CLEC9A: variants seen among roughly 807,000 people sequenced by gnomAD.
The protein encoded by CLEC9A is C-type lectin domain family 9 member A.
Under a neutral mutation model 30.0 loss-of-function variants are expected in CLEC9A, and 24 were observed. The observed-to-expected ratio is 0.80, with a 90% CI of 0.58 to 1.13. CLEC9A has a LOEUF of 1.13. CLEC9A is among the 50% of genes most tolerant of loss of function. The pLI, the probability that CLEC9A is intolerant of heterozygous loss-of-function variation, is 0.00. For missense variants in CLEC9A, 251 were observed against 280.9 expected (o/e 0.89, Z 0.76); for synonymous variants, 111 against 96.8 (o/e 1.15, Z -0.86).
rs1367285695 is a variant in CLEC9A, at chr12:10,054,338, C to T, written c.159C>T (p.Phe53=). Residue 53 remains phenylalanine, a synonymous_variant, in exon 5 of 9, where the codon TTC becomes TTT. Coordinates refer to ENST00000355819, the MANE Select transcript of CLEC9A (RefSeq NM_207345.4). ...FCMGLLTASI[F]LGVKLLQVST... ...TGGGATTATTAACAGCATCCATTTT[C>T]TTGGGCGTCAAGTGTAAGTACTAAA... The T allele has an allele frequency of 4.3e-6, 7 of 1,610,880 alleles. No individual in the cohort carries two copies. In the South Asian group the frequency reaches 5.5e-5, roughly 13 times the overall value.
intron 2 of CLEC9A, among the ~76,000 whole-genome samples, chr12:10,046,183 G>A (rs767555317): frequency 1.3e-5 from 2 of 152,228 alleles, no homozygotes; most frequent in Middle Eastern, 3.4e-3. Context: ...ATACCTCACA[G>A]TTCTACAACT....
At chr12:10,052,152 G>A (rs1373879483) in intron 3 of CLEC9A, 58 bp downstream of exon 3, 1 of 152,438 alleles carries the variant, frequency 6.6e-6, no homozygotes, top group Non-Finnish European at 1.5e-5. Flanking sequence ...ATTTATCACA[G>A]TAAGTAGCAT....
At position 10,046,727 on chromosome 12, in the gene CLEC9A, G is replaced by A. The variant is rs373178652; in HGVS notation, c.-163+5107G>A. Among the ~76,000 whole-genome samples the A allele has an allele frequency of 9.9e-4, 151 of 152,264 alleles. 3 individuals carry two copies. The South Asian group carries it at 0.028, about 28-fold the overall frequency. ...GAGATGTTCAAACACAAATGCTGAC[G>A]TTAGTGGGAAGGCTGAGGACACACA... On this transcript the variant is annotated intron_variant, in intron 2 of 8. Transcript: ENST00000355819.
rs1002309678 is a variant in CLEC9A, at chr12:10,043,829, G to A, written c.-163+2209G>A. Among the ~76,000 whole-genome samples, 20 of 151,968 alleles carry A rather than the reference G, an allele frequency of 1.3e-4. No homozygotes were observed. In the East Asian group the frequency reaches 3.7e-3, roughly 28 times the overall value. ...CCTGAGCAGCTGGGATTACAGGCAC[G>A]CGCCACCACACCAGCTAATTTTTGT... On this transcript the variant is annotated intron_variant, in intron 2 of 8. Coordinates refer to ENST00000355819, the MANE Select transcript of CLEC9A (RefSeq NM_207345.4).
chr12:10,054,111 G>A (rs920498971), intron 4 of CLEC9A, among the ~76,000 whole-genome samples, 160 bp from the exon 5 acceptor site: 2 of 152,106 alleles, frequency 1.3e-5, no homozygotes, highest in Non-Finnish European at 2.9e-5. Context: ...TTGAGCAAAG[G>A]TTCTCTTTTT....
chr12:10,053,740 T>C (rs1865915631), intron 4 of CLEC9A, among the ~76,000 whole-genome samples: 1 of 151,498 alleles, frequency 6.6e-6, no homozygotes, highest in Admixed American at 6.6e-5. Context: ...AAAAATCACA[T>C]ATTCCTTTTT....
At chr12:10,052,530 A>C in intron 3 of CLEC9A, 100 bp from the exon 4 acceptor site, 1 of 1,309,956 alleles carries the variant, frequency 7.6e-7, no homozygotes. Flanking sequence ...TTCTGAATGA[A>C]GGTGCATCTA....
At chr12:10,065,385 G>A (rs1866034428) in intron 8 of CLEC9A, 115 bp from the exon 9 acceptor site, 1 of 1,105,732 alleles carries the variant, frequency 9.0e-7, no homozygotes, top group Non-Finnish European at 1.3e-6. Flanking sequence ...ACCACAGGAA[G>A]TTGCTGTGTC....
chr12:10,041,270 A>C (rs767241448), intron 1 of CLEC9A, among the ~76,000 whole-genome samples, 196 bp from the exon 2 acceptor site: 17 of 151,930 alleles, frequency 1.1e-4, no homozygotes, highest in Non-Finnish European at 2.1e-4. Flanking sequence ...AAAACAAAAA[A>C]CAAACAAACA....
At position 10,065,657 on chromosome 12, in the gene CLEC9A, A is replaced by G; in HGVS notation, c.*25A>G. 3.1e-6 allele frequency: 5 copies of G among 1,612,582 alleles called. No homozygotes were observed. The highest frequency in any genetic ancestry group is 4.2e-6 in the Non-Finnish European group (5 of 1,179,056). On this transcript the variant is annotated 3_prime_UTR_variant, in exon 9 of 9. Transcript: ENST00000355819. Reference sequence around the variant, plus strand: ...AAAGAAATTGTGTTCAAAGTGTTCTATTACACTGTTATTTGGAGCATGCCA... The same window carrying G: ...AAAGAAATTGTGTTCAAAGTGTTCTGTTACACTGTTATTTGGAGCATGCCA...
intron 2 of CLEC9A, among the ~76,000 whole-genome samples, chr12:10,043,812 G>C (rs1865820449): frequency 6.6e-6 from 1 of 152,010 alleles, no homozygotes; most frequent in African/African-American, 2.4e-5. Context: ...CTCCTGAGCA[G>C]CTGGGATTAC....
At chr12:10,049,365 A>G (rs1224520999) in intron 2 of CLEC9A, among the ~76,000 whole-genome samples, 2 of 152,180 alleles carry the variant, frequency 1.3e-5, no homozygotes, top group Non-Finnish European at 1.5e-5. Flanking sequence ...TTAGCCCCTA[A>G]CAATAGAGTC....
intron 1 of CLEC9A, among the ~76,000 whole-genome samples, chr12:10,040,596 G>T (rs61918592): frequency 0.17 from 25,120 of 151,220 alleles, 2,448 homozygotes; most frequent in South Asian, 0.39. Flanking sequence ...GACTACAGGC[G>T]CCCGCCACCA....
chr12:10,043,107 T>C, intron 2 of CLEC9A: 1 of 258,388 alleles, frequency 3.9e-6, no homozygotes, highest in South Asian at 3.8e-5. Flanking sequence ...AGACATGTAA[T>C]CCAACTTTTT....
chr12:10,035,144 C>T (rs1224711075), intron 1 of CLEC9A, among the ~76,000 whole-genome samples: 7 of 152,210 alleles, frequency 4.6e-5, no homozygotes, highest in African/African-American at 9.6e-5. Flanking sequence ...ATGCTCTTGA[C>T]GTCCAGCCAC....
chr12:10,052,386 A>G (rs1399228768), intron 3 of CLEC9A: 9 of 506,510 alleles, frequency 1.8e-5, no homozygotes, highest in Non-Finnish European at 2.2e-5. Flanking sequence ...ACTCACTGCT[A>G]TCACCTTCAA....
chr12:10,043,286 T>C (rs571362808), intron 2 of CLEC9A: 28 of 263,790 alleles, frequency 1.1e-4, no homozygotes, highest in Admixed American at 8.8e-4. Flanking sequence ...ATGAGGTCTG[T>C]AAGTGGGAGA....
chr12:10,062,983 G>A (rs10772230), intron 6 of CLEC9A, 72 bp from the exon 7 acceptor site: 861,671 of 1,358,158 alleles, frequency 0.63, 287,127 homozygotes, highest in Middle Eastern at 0.71. Context: ...GTGAGGCAAG[G>A]GGCTTTTTGG....
intron 1 of CLEC9A, 24 bp downstream of exon 1, chr12:10,030,996 G>A (rs895942504): frequency 2.0e-5 from 3 of 152,192 alleles, no homozygotes. Context: ...GCAGTAGGGT[G>A]GAAGGTATGT....
Sources: allele counts gnomAD v4.1 joint callset (sites outside exome capture counted in the v4.1 genomes callset), GRCh38; gene constraint gnomAD v4.1.1; transcripts MANE v1.5; gene names NCBI Gene and HGNC (gene_info 2026-07-23, HGNC 2026-07-21).